Variants in FYB1 observed in about 807,000 individuals in gnomAD.
FYB1 encodes the protein FYN-binding protein 1.
Under a neutral mutation model 94.1 loss-of-function variants are expected in FYB1, and 41 were observed. That is an observed-to-expected ratio of 0.44 (90% CI 0.34 to 0.57). The LOEUF (loss-of-function observed/expected upper bound fraction) is 0.57, where lower values mean the gene tolerates loss of function less well. FYB1 is among the 20% of genes least tolerant of loss of function. FYB1 has a pLI of 0.02. For missense variants in FYB1, 1,050 were observed against 976.8 expected, an observed-to-expected ratio of 1.07 and a Z score of -1.00; for synonymous variants, 367 against 353.2, an observed-to-expected ratio of 1.04 and a Z score of -0.44.
chr5:39,134,651 A>G (rs1024896080), intron 8 of FYB1, among the ~76,000 whole-genome samples: 1 of 152,208 alleles, frequency 6.6e-6, no homozygotes, highest in Non-Finnish European at 1.5e-5. Context: ...CTGGAATAAT[A>G]TAAAACTGTA....
chr5:39,158,191 CT>C (rs1743927039), intron 2 of FYB1, among the ~76,000 whole-genome samples: 1 of 152,352 alleles, frequency 6.6e-6, no homozygotes, highest in East Asian at 1.9e-4. Context: ...TTAATAACCT[CT>C]GACTCAAACT....
intron 2 of FYB1, among the ~76,000 whole-genome samples, chr5:39,191,989 C>T (rs1381252949): frequency 1.3e-5 from 2 of 152,172 alleles, no homozygotes; most frequent in Non-Finnish European, 2.9e-5. Flanking sequence ...TCCATCATAT[C>T]AGAAATAGTT....
At chr5:39,110,467 A>T in intron 16 of FYB1, 78 bp from the exon 17 acceptor site, 1 of 909,398 alleles carries the variant, frequency 1.1e-6, no homozygotes, top group Admixed American at 2.0e-5. Context: ...GGAAATCAAA[A>T]CACAAGAGAG....
intron 17 of FYB1, among the ~76,000 whole-genome samples, chr5:39,108,949 A>G (rs365862): frequency 1.3e-5 from 2 of 151,940 alleles, no homozygotes; most frequent in African/African-American, 4.8e-5. Flanking sequence ...CCAGGAGACA[A>G]AAATTTGAGT....
At chr5:39,258,769 T>C (rs1468112525) in intron 1 of FYB1, among the ~76,000 whole-genome samples, 1 of 151,826 alleles carries the variant, frequency 6.6e-6, no homozygotes, top group South Asian at 2.1e-4. Flanking sequence ...AGATTAAATA[T>C]AAAATGAAAA....
rs374774236 is a variant in FYB1 at position 39,191,778 on chromosome 5, C to T, written c.1135+10048G>A. On this transcript the variant is annotated intron_variant, in intron 2 of 18. Coordinates refer to ENST00000512982, the MANE Select transcript of FYB1 (RefSeq NM_001465.6). ...GATGATTCCCTGGACTTTAAAGCCACGCCATAAATATCATTATTGTGCCTT... is the reference window on the plus strand; with the variant it reads ...GATGATTCCCTGGACTTTAAAGCCATGCCATAAATATCATTATTGTGCCTT... Among the ~76,000 whole-genome samples the T allele has an allele frequency of 1.1e-3, 174 of 152,274 alleles. 1 individual carries two copies. The highest frequency in any genetic ancestry group is 2.3e-3 in the East Asian group (12 of 5,184).
chr5:39,125,044 A>T (rs752101135), intron 12 of FYB1, among the ~76,000 whole-genome samples: 1 of 151,916 alleles, frequency 6.6e-6, no homozygotes, highest in Non-Finnish European at 1.5e-5. Flanking sequence ...AATTCAAATG[A>T]TCCCAAATCA....
chr5:39,245,452 G>C (rs943915852), intron 1 of FYB1, among the ~76,000 whole-genome samples: 5 of 152,008 alleles, frequency 3.3e-5, no homozygotes, highest in Non-Finnish European at 4.4e-5. Flanking sequence ...CTTTTGAATG[G>C]GTTCTAGCTG....
At chr5:39,242,656 G>C (rs1751266311) in intron 1 of FYB1, among the ~76,000 whole-genome samples, 1 of 152,106 alleles carries the variant, frequency 6.6e-6, no homozygotes, top group African/African-American at 2.4e-5. Flanking sequence ...TATATACCCA[G>C]TAATGGGATG....
Position 39,135,009 on chromosome 5 carries a change from T to C in FYB1, c.1521A>G (p.Thr507=), listed in dbSNP as rs1249241958. The part of the protein sequence containing the change: ...EQEIKKKFKL[T]GPIQVIHLAK... ...CAAGATGGATGACTTGAATAGGGCCTGTTAGCTGCAAAGAGAAAAAAATAG... is the reference window on the plus strand; with the variant it reads ...CAAGATGGATGACTTGAATAGGGCCCGTTAGCTGCAAAGAGAAAAAAATAG... Residue 507 remains threonine, a synonymous_variant, in exon 8 of 19, where the codon ACA becomes ACG. Coordinates refer to ENST00000512982, the MANE Select transcript of FYB1 (RefSeq NM_001465.6). The C allele has an allele frequency of 5.0e-6, 8 of 1,612,286 alleles. No individual in the cohort carries two copies. Among genetic ancestry groups the C allele is most frequent in the Admixed American group, 3.4e-5 (2 of 59,644 alleles).
intron 2 of FYB1, among the ~76,000 whole-genome samples, chr5:39,195,133 A>G (rs897913592): frequency 6.6e-6 from 1 of 152,226 alleles, no homozygotes; most frequent in African/African-American, 2.4e-5. Context: ...GAGCCGTTTC[A>G]GTCAAAGCAT....
intron 2 of FYB1, among the ~76,000 whole-genome samples, chr5:39,188,853 T>C (rs867850453): frequency 1.3e-5 from 2 of 152,154 alleles, no homozygotes; most frequent in African/African-American, 2.4e-5. Context: ...CTTTTTAATG[T>C]GATCCAGGAA....
intron 3 of FYB1, among the ~76,000 whole-genome samples, chr5:39,150,184 T>G (rs1256836117): frequency 6.6e-6 from 1 of 152,162 alleles, no homozygotes; most frequent in Non-Finnish European, 1.5e-5. Flanking sequence ...GAAACTGAGT[T>G]GTTATCTGGC....
At chr5:39,257,436 G>A (rs1408725085) in intron 1 of FYB1, among the ~76,000 whole-genome samples, 1 of 146,658 alleles carries the variant, frequency 6.8e-6, no homozygotes, top group South Asian at 2.1e-4. Context: ...TTTTTTGCAT[G>A]TAGAACTTAC....
At chr5:39,151,491 T>C (rs970362881) in intron 3 of FYB1, among the ~76,000 whole-genome samples, 3 of 152,176 alleles carry the variant, frequency 2.0e-5, no homozygotes, top group African/African-American at 4.8e-5. Context: ...GGTCTCGCTA[T>C]ATTGCCCAGG....
upstream of FYB1, among the ~76,000 whole-genome samples, chr5:39,224,295 GC>G (rs1750384306): frequency 6.6e-6 from 1 of 152,096 alleles, no homozygotes; most frequent in Non-Finnish European, 1.5e-5. Flanking sequence ...CCTCCAGTCA[GC>G]CTTTAGCACA....
intron 2 of FYB1, among the ~76,000 whole-genome samples, chr5:39,200,896 A>G (rs1748250974): frequency 6.6e-6 from 1 of 152,158 alleles, no homozygotes. Context: ...GTTGCACATC[A>G]TTTACCTAAA....
At chr5:39,108,159 C>T in intron 18 of FYB1, 72 bp downstream of exon 18, 2 of 1,357,922 alleles carry the variant, frequency 1.5e-6, no homozygotes, top group Non-Finnish European at 2.0e-6. Context: ...ATCCAACAAG[C>T]TATTTTTAGC....
At chr5:39,149,140 T>C (rs531249906) in intron 3 of FYB1, among the ~76,000 whole-genome samples, 2 of 152,330 alleles carry the variant, frequency 1.3e-5, no homozygotes, top group East Asian at 3.9e-4. Context: ...AATATAACTT[T>C]GGCCTCAACT....
Sources: gnomAD v4.1 joint callset for allele counts (sites outside exome capture counted in the v4.1 genomes callset) on GRCh38, gnomAD v4.1.1 for gene constraint, MANE v1.5 for transcripts, NCBI Gene and HGNC (gene_info 2026-07-23, HGNC 2026-07-21) for gene names.